Variants in RASA1 observed in about 807,000 individuals in gnomAD.
RASA1 encodes the protein ras GTPase-activating protein 1.
Under a neutral mutation model 132.2 loss-of-function variants are expected in RASA1, and 25 were observed. That is an observed-to-expected ratio of 0.19 (90% CI 0.14 to 0.26). RASA1 has a LOEUF of 0.26. Among genes scored for constraint, RASA1 ranks in the 10% least tolerant of loss-of-function variants. The pLI, the probability that RASA1 is intolerant of heterozygous loss-of-function variation, is 1.00. For synonymous variants in RASA1, 477 were observed against 449.9 expected (o/e 1.06, Z -0.76); for missense variants, 964 against 1,299.2 (o/e 0.74, Z 3.97).
chr5:87,368,398 G>T (rs1760683810), intron 11 of RASA1, among the ~76,000 whole-genome samples: 1 of 151,942 alleles, frequency 6.6e-6, no homozygotes, highest in Non-Finnish European at 1.5e-5. Context: ...TCTGTCTTCA[G>T]TATCTGCATT....
chr5:87,276,751 G>C (rs1754077383), intron 1 of RASA1, among the ~76,000 whole-genome samples: 1 of 152,188 alleles, frequency 6.6e-6, no homozygotes, highest in Non-Finnish European at 1.5e-5. Flanking sequence ...GATTATTACA[G>C]TGAGAAAGTG....
intron 23 of RASA1, among the ~76,000 whole-genome samples, chr5:87,387,821 A>C (rs1193614215): frequency 6.6e-6 from 1 of 152,178 alleles, no homozygotes; most frequent in Non-Finnish European, 1.5e-5. Context: ...CAAAAATGCT[A>C]AAAGTCCATC....
Position 87,376,398 on chromosome 5 carries a change from A to G in RASA1, c.2017A>G (p.Met673Val), listed in dbSNP as rs770034195. 6.2e-7 allele frequency: 1 copy of G among 1,613,798 alleles called. No homozygotes were observed. Among genetic ancestry groups the G allele is most frequent in the African/African-American group, 1.3e-5 (1 of 74,914 alleles). The change falls in exon 16 of 25, where the codon ATG becomes GTG. Residue 673 changes from methionine to valine, a missense_variant. Around this residue, in one of 6 missense-constraint regions of RASA1, gnomAD observed 346 missense variants for 520.1 expected, o/e 0.67. Transcript: ENST00000274376. ...TGCTTGTTTTTCTTCCCAAGTATTT[A>G]TGCGCTGCCAGTTGAGCCGATTACA... ...KKSKDPDILFMRCQLSRLQKG... is the reference protein window; with the variant it reads ...KKSKDPDILFVRCQLSRLQKG...
At chr5:87,269,624 C>G (rs954842627) in intron 1 of RASA1, among the ~76,000 whole-genome samples, 9 of 152,248 alleles carry the variant, frequency 5.9e-5, no homozygotes, top group African/African-American at 2.2e-4. Context: ...CATAGGCTTG[C>G]CACTTAATAT....
chr5:87,322,987 T>A (rs1329067806), intron 1 of RASA1, among the ~76,000 whole-genome samples: 1 of 152,158 alleles, frequency 6.6e-6, no homozygotes, highest in Admixed American at 6.5e-5. Context: ...CACCTTAAGG[T>A]GAAGATTCTT....
intron 11 of RASA1, among the ~76,000 whole-genome samples, chr5:87,366,828 T>G (rs1213864262): frequency 1.3e-5 from 2 of 152,158 alleles, no homozygotes; most frequent in African/African-American, 4.8e-5. Context: ...GCTCAGGGGT[T>G]GGAGACCAGC....
chr5:87,389,520 C>T lies in RASA1; in HGVS notation c.3053C>T (p.Ala1018Val), dbSNP rs775179017. 1 of 1,613,954 alleles carries T rather than the reference C, an allele frequency of 6.2e-7. No individual in the cohort carries two copies. The highest frequency in any genetic ancestry group is 8.5e-7 in the Non-Finnish European group (1 of 1,179,892). The change falls in exon 24 of 25, where the codon GCA becomes GTA. Residue 1018 changes from alanine (A) to valine (V), a missense_variant. Around this residue, in one of 6 missense-constraint regions of RASA1, gnomAD observed 107 missense variants for 163.8 expected, o/e 0.65. Coordinates refer to ENST00000274376, the MANE Select transcript of RASA1 (RefSeq NM_002890.3). The part of the protein sequence containing the change: ...ELRTLSNERG[A>V]QQHVLKKLLA... Reference sequence around the variant, plus strand: ...CGAACGCTCAGTAATGAGCGTGGTGCACAGCAGGTAGGCTTTCGCCAGCCT... The same window carrying T: ...CGAACGCTCAGTAATGAGCGTGGTGTACAGCAGGTAGGCTTTCGCCAGCCT...
intron 1 of RASA1, among the ~76,000 whole-genome samples, chr5:87,323,716 TC>T (rs1757000077): frequency 6.6e-6 from 1 of 152,034 alleles, no homozygotes; most frequent in African/African-American, 2.4e-5. Context: ...ATAAGTCAAT[TC>T]TTTTTTTTTT....
In RASA1 at chr5:87,377,049, T is replaced by C; in HGVS notation, c.2344+9T>C. 6.2e-7 allele frequency: 1 copy of C among 1,611,220 alleles called. No individual in the cohort carries two copies. The highest frequency in any genetic ancestry group is 8.5e-7 in the Non-Finnish European group (1 of 1,177,572). On this transcript the variant is annotated intron_variant, in intron 17 of 24. Coordinates refer to ENST00000274376, the MANE Select transcript of RASA1 (RefSeq NM_002890.3). Reference sequence around the variant, plus strand: ...AGAAATAAGCATGGAAGGTATGGTATGGCCATGTTAGTGTGATACAAGAAA... The same window carrying C: ...AGAAATAAGCATGGAAGGTATGGTACGGCCATGTTAGTGTGATACAAGAAA...
At position 87,277,115 on chromosome 5, in the gene RASA1, T is replaced by C. The variant is rs148512437; in HGVS notation, c.539+8125T>C. Among the ~76,000 whole-genome samples the C allele has an allele frequency of 1.9e-4, 29 of 152,318 alleles. No homozygotes were observed. The East Asian group carries it at 4.6e-3, about 24-fold the overall frequency. On this transcript the variant is annotated intron_variant, in intron 1 of 24. Transcript: ENST00000274376. ...TTATCTTATTTAATTCTTACAATGA[T>C]ATAGTGAGAATGGGCATCATCCTCA...
At chr5:87,305,786 C>T (rs1295989562) in intron 1 of RASA1, among the ~76,000 whole-genome samples, 1 of 151,996 alleles carries the variant, frequency 6.6e-6, no homozygotes, top group Non-Finnish European at 1.5e-5. Context: ...AACACATTTA[C>T]GAGGAAAAGA....
At position 87,311,927 on chromosome 5, in the gene RASA1, C is replaced by T. The variant is rs535382757; in HGVS notation, c.540-19421C>T. 7.2e-5 allele frequency among the ~76,000 whole-genome samples: 11 copies of T among 152,308 alleles called. No individual in the cohort carries two copies. The East Asian group carries it at 1.7e-3, about 24-fold the overall frequency. On this transcript the variant is annotated intron_variant, in intron 1 of 24. Transcript: ENST00000274376. ...GGGCCTTGGGTGGGCAAGGGCCAAA[C>T]CTTCCTTTGGAATATCCAAGGTGTG...
intron 1 of RASA1, among the ~76,000 whole-genome samples, chr5:87,329,655 TAAC>T (rs1467477692): frequency 2.6e-5 from 4 of 152,236 alleles, no homozygotes; most frequent in South Asian, 4.1e-4. Flanking sequence ...ATTTAACAAA[TAAC>T]AAGTATATAA....
chr5:87,330,662 A>G (rs1399557015), intron 1 of RASA1, among the ~76,000 whole-genome samples: 2 of 152,172 alleles, frequency 1.3e-5, no homozygotes, highest in Non-Finnish European at 2.9e-5. Context: ...AGATCATTTG[A>G]TAGTATGTAG....
rs577340194 is a variant in RASA1 at position 87,304,461 on chromosome 5, T to C, written c.540-26887T>C. Among the ~76,000 whole-genome samples the C allele has an allele frequency of 2.6e-5, 4 of 152,156 alleles. No individual in the cohort carries two copies. The East Asian group carries it at 7.7e-4, about 29-fold the overall frequency. ...TTTTTGCATTATTGCTCTGCATGTT[T>C]ATTATACACTTTTTTTTTTTTTTTG... is the stretch of plus-strand genomic sequence containing the variant. On this transcript the variant is annotated intron_variant, in intron 1 of 24. Coordinates refer to ENST00000274376, the MANE Select transcript of RASA1 (RefSeq NM_002890.3).
chr5:87,303,714 C>T (rs1206323916), intron 1 of RASA1, among the ~76,000 whole-genome samples: 2 of 151,666 alleles, frequency 1.3e-5, no homozygotes, highest in African/African-American at 4.8e-5. Flanking sequence ...GTTCTATGTT[C>T]ACTTGAAAGG....
intron 5 of RASA1, among the ~76,000 whole-genome samples, chr5:87,338,536 A>ATATTTTTTTTTTTTTT: frequency 3.5e-5 from 3 of 85,216 alleles, no homozygotes; most frequent in African/African-American, 1.3e-4. Flanking sequence ...TATATATAAA[A>ATATTTTTTTTTTTTTT]TTTTTTTTTT....
chr5:87,316,907 G>C (rs1163602506), intron 1 of RASA1, among the ~76,000 whole-genome samples: 1 of 150,918 alleles, frequency 6.6e-6, no homozygotes, highest in African/African-American at 2.4e-5. Context: ...TTTGGAGAAA[G>C]AGTCTTGCTC....
Position 87,268,556 on chromosome 5 carries a change from G to A in RASA1, c.105G>A (p.Arg35=). 6.2e-7 allele frequency: 1 copy of A among 1,604,784 alleles called. No individual in the cohort carries two copies. Among genetic ancestry groups the A allele is most frequent in the Non-Finnish European group, 8.5e-7 (1 of 1,176,874 alleles). ...AGSSAYPAVC[R]VKIPAALPVA... ...CCAGTGCCTATCCCGCAGTGTGTCGGGTGAAGATACCCGCGGCCCTGCCTG... is the reference window on the plus strand; with the variant it reads ...CCAGTGCCTATCCCGCAGTGTGTCGAGTGAAGATACCCGCGGCCCTGCCTG... Residue 35 remains arginine (R), a synonymous_variant, in exon 1 of 25, where the codon CGG becomes CGA. Coordinates refer to ENST00000274376, the MANE Select transcript of RASA1 (RefSeq NM_002890.3).
Sources: gnomAD v4.1 joint callset for allele counts (sites outside exome capture counted in the v4.1 genomes callset) on GRCh38, gnomAD v4.1.1 for gene constraint, gnomAD v4.1.1 regional missense constraint, MANE v1.5 for transcripts, NCBI Gene and HGNC (gene_info 2026-07-23, HGNC 2026-07-21) for gene names.